GIT2: variants seen among roughly 807,000 people sequenced by gnomAD.
GIT2 encodes GIT ArfGAP 2, also known as ARF GTPase-activating protein GIT2.
A neutral mutation model predicts 100.3 loss-of-function variants in GIT2; 32 were observed. The observed-to-expected ratio is 0.32, with a 90% CI of 0.24 to 0.43. The LOEUF (loss-of-function observed/expected upper bound fraction) is 0.43, where lower values mean the gene tolerates loss of function less well. Ranked by LOEUF, GIT2 falls within the 20% of genes least tolerant of loss-of-function variation. The pLI is 1.00. For missense variants in GIT2, 737 were observed against 975.1 expected, an observed-to-expected ratio of 0.76 and a Z score of 3.25; for synonymous variants, 353 against 364.1, an observed-to-expected ratio of 0.97 and a Z score of 0.35.
rs113972733 is a variant in GIT2, at chr12:109,952,356, C to T, written c.1242+736G>A. Among the ~76,000 whole-genome samples, 341 of 152,182 alleles carry T rather than the reference C, an allele frequency of 2.2e-3. 1 individual carries two copies. Among genetic ancestry groups the T allele is most frequent in the African/African-American group, 7.6e-3 (317 of 41,524 alleles). On this transcript the variant is annotated intron_variant, in intron 13 of 19. Transcript: ENST00000355312. ...CTCTGGTGCCGAGGTCTCTCCCACC[C>T]GCACCATCCTAGCATGGGTCCTTAG...
At chr12:109,939,502 C>T in intron 16 of GIT2, 3 of 306,152 alleles carry the variant, frequency 9.8e-6, no homozygotes, top group Non-Finnish European at 1.9e-5. Flanking sequence ...AACTAACAGA[C>T]ATGCAAGGCA....
In GIT2 at chr12:109,946,914, AT is replaced by A. The variant is rs374519485; in HGVS notation, c.1641+341del. Among the ~76,000 whole-genome samples the A allele has an allele frequency of 7.0e-4, 107 of 152,214 alleles. 1 individual carries two copies. The highest frequency in any genetic ancestry group is 2.3e-3 in the African/African-American group (96 of 41,538). ...CTTCCTTCTGAGAGTGAACTTTATG[AT>A]TTATTTTTGTTTTTGGAAGTAGAGA... On this transcript the variant is annotated intron_variant, in intron 15 of 19. Coordinates refer to ENST00000355312, the MANE Select transcript of GIT2 (RefSeq NM_057169.5).
chr12:109,951,430 C>G, intron 13 of GIT2, 114 bp from the exon 14 acceptor site: 1 of 788,364 alleles, frequency 1.3e-6, no homozygotes. Context: ...GTTAGTCAAA[C>G]CAAATCAAGG....
chr12:109,979,074 T>TC (rs899304116), intron 7 of GIT2, among the ~76,000 whole-genome samples: 3 of 151,724 alleles, frequency 2.0e-5, no homozygotes, highest in African/African-American at 7.3e-5. Context: ...GCAATCAGGA[T>TC]CCCCCCTCAT....
At chr12:109,944,825 TA>T (rs200126475) in intron 16 of GIT2, among the ~76,000 whole-genome samples, 4,552 of 133,904 alleles carry the variant, frequency 0.034, 78 homozygotes, top group South Asian at 0.065. Context: ...TGTCACAGGT[TA>T]AAAAAAAAAA....
chr12:109,932,671 GA>G lies in GIT2; in HGVS notation c.*306del. On this transcript the variant is annotated 3_prime_UTR_variant, in exon 20 of 20. Coordinates refer to ENST00000355312, the MANE Select transcript of GIT2 (RefSeq NM_057169.5). ...CATAGGCAGGGAGTTTTAAGGGATGGAAAAGTTTTCACAAACTTTAGACAAT... is the reference window on the plus strand; with the variant it reads ...CATAGGCAGGGAGTTTTAAGGGATGGAAAGTTTTCACAAACTTTAGACAAT... 4.6e-6 allele frequency: 1 copy of G among 217,798 alleles called. No homozygotes were observed. The highest frequency in any genetic ancestry group is 9.1e-6 in the Non-Finnish European group (1 of 109,970). The allele number at this position is 217,798 out of a possible 1,614,324, so 13.5% of individuals were successfully genotyped here.
At chr12:109,969,551 T>G (rs1001781949) in intron 7 of GIT2, among the ~76,000 whole-genome samples, 2 of 152,126 alleles carry the variant, frequency 1.3e-5, no homozygotes, top group South Asian at 4.1e-4. Flanking sequence ...AGAGGTTTCT[T>G]TTTCCCCCTT....
chr12:109,965,743 C>T (rs757035520), intron 8 of GIT2, 166 bp from the exon 9 acceptor site: 4 of 749,224 alleles, frequency 5.3e-6, no homozygotes, highest in African/African-American at 5.1e-5. Flanking sequence ...CTAAACAGAA[C>T]AATCTGGTGA....
intron 18 of GIT2, 46 bp downstream of exon 18, chr12:109,938,334 C>T (rs371296441): frequency 5.0e-5 from 69 of 1,392,074 alleles, no homozygotes; most frequent in South Asian, 1.9e-4. Context: ...CCTTTCTGGG[C>T]GCATAACTCA....
chr12:109,999,403 T>A (rs946426884), upstream of GIT2: 1 of 182,446 alleles, frequency 5.5e-6, no homozygotes, highest in African/African-American at 2.4e-5. The surrounding 1 kb of genome is among the most constrained non-coding windows in gnomAD (Gnocchi z 4.3). Context: ...CTCTCCGCAC[T>A]TCCCTGTTTG....
intron 14 of GIT2, among the ~76,000 whole-genome samples, chr12:109,950,471 A>C (rs1009791111): frequency 6.6e-6 from 1 of 152,232 alleles, no homozygotes; most frequent in Non-Finnish European, 1.5e-5. Flanking sequence ...AAGGAGTTGC[A>C]TACACAATCC....
Position 109,980,994 on chromosome 12 carries a change from G to C in GIT2, c.676C>G (p.Leu226Val). Residue 226 changes from leucine (L) to valine (V), a missense_variant, in exon 7 of 20, where the codon CTA (leucine) becomes GTA (valine). Coordinates refer to ENST00000355312, the MANE Select transcript of GIT2 (RefSeq NM_057169.5). ...AERLVEIQYE[L>V]TDRLAFYLCG... ...AGATAGAAGGCTAGTCTGTCCGTTAGCTCATACTGTATTTCCACGAGGCGC... is the reference window on the plus strand; with the variant it reads ...AGATAGAAGGCTAGTCTGTCCGTTACCTCATACTGTATTTCCACGAGGCGC... 1 of 1,613,124 alleles carries C rather than the reference G, an allele frequency of 6.2e-7. No individual in the cohort carries two copies. Among genetic ancestry groups the C allele is most frequent in the Admixed American group, 1.7e-5 (1 of 60,002 alleles).
Position 109,945,274 on chromosome 12 carries a change from C to A in GIT2, c.1717G>T (p.Glu573Ter). Residue 573 changes from glutamate (E) to a stop codon, truncating the protein, a stop_gained, in exon 16 of 20, where the codon GAA (glutamate) becomes TAA (stop). Transcript: ENST00000355312. LOFTEE classifies it high-confidence loss of function. ...ATGTACTTAACCCTTCGGGCGCTTT[C>A]GTCCCTCGACCAGGAAAGTGTGGAG... ...FPSTLSWSRD[E>*]SARRASRLEK... The A allele has an allele frequency of 1.3e-6, 2 of 1,550,732 alleles. No individual in the cohort carries two copies. Among genetic ancestry groups the A allele is most frequent in the Non-Finnish European group, 1.8e-6 (2 of 1,122,530 alleles).
intron 7 of GIT2, among the ~76,000 whole-genome samples, chr12:109,973,223 C>A (rs1304056235): frequency 6.6e-6 from 1 of 152,208 alleles, no homozygotes; most frequent in Non-Finnish European, 1.5e-5. Context: ...TCACTGCAAC[C>A]TCTGCCTCCC....
At chr12:109,935,332 A>G (rs1207475850) in intron 18 of GIT2, among the ~76,000 whole-genome samples, 7 of 152,258 alleles carry the variant, frequency 4.6e-5, no homozygotes, top group Non-Finnish European at 8.8e-5. Context: ...CGTCACATGT[A>G]TCATGCATAC....
chr12:109,941,682 G>A (rs1047010287), intron 16 of GIT2, among the ~76,000 whole-genome samples: 2 of 151,638 alleles, frequency 1.3e-5, no homozygotes, highest in Admixed American at 6.6e-5. Flanking sequence ...CCACCATACC[G>A]AGCTAATTTT....
At chr12:109,971,364 G>A (rs1446110829) in intron 7 of GIT2, among the ~76,000 whole-genome samples, 3 of 151,568 alleles carry the variant, frequency 2.0e-5, no homozygotes, top group African/African-American at 2.4e-5. Flanking sequence ...CCACTCTGTC[G>A]CTCAGGCTGG....
Position 109,996,115 on chromosome 12 carries a change from G to A in GIT2, c.52+58C>T, listed in dbSNP as rs898498699. ...CAGCCTGACCTGAGGGGGCGGCCCC[G>A]GGGTAGGGGTCCGGGCCAGGAAAGC... On this transcript the variant is annotated intron_variant, in intron 1 of 19. Coordinates refer to ENST00000355312, the MANE Select transcript of GIT2 (RefSeq NM_057169.5). 9.1e-5 allele frequency: 104 copies of A among 1,145,316 alleles called. 1 individual carries two copies. The Middle Eastern group carries it at 2.4e-3, about 27-fold the overall frequency. 70.9% of individuals were successfully genotyped at this position (1,145,316 alleles called of 1,614,324 possible).
At chr12:109,935,947 C>T (rs543944791) in intron 18 of GIT2, among the ~76,000 whole-genome samples, 85 of 152,230 alleles carry the variant, frequency 5.6e-4, no homozygotes, top group African/African-American at 1.9e-3. Flanking sequence ...AAAAGGTTTT[C>T]GTGCATAATA....
Sources: allele counts gnomAD v4.1 joint callset (sites outside exome capture counted in the v4.1 genomes callset), GRCh38; gene constraint gnomAD v4.1.1; non-coding constraint Gnocchi (gnomAD v3.1); transcripts MANE v1.5; gene names NCBI Gene and HGNC (gene_info 2026-07-23, HGNC 2026-07-21).